CPNE8: variants seen among roughly 807,000 people sequenced by gnomAD.
CPNE8 encodes copine 8.
A neutral mutation model predicts 81.5 loss-of-function variants in CPNE8; 45 were observed. The ratio of observed to expected loss-of-function variants is 0.55; its 90% CI spans 0.44 to 0.71. The LOEUF is 0.71. Among genes scored for constraint, CPNE8 ranks in the 30% least tolerant of loss-of-function variants. The pLI is 0.00. For synonymous variants in CPNE8, 252 were observed against 226.3 expected, an observed-to-expected ratio of 1.11 and a Z score of -1.02; for missense variants, 594 against 672.1, an observed-to-expected ratio of 0.88 and a Z score of 1.28.
intron 8 of CPNE8, among the ~76,000 whole-genome samples, chr12:38,766,294 A>T (rs559670252): frequency 6.6e-6 from 1 of 152,374 alleles, no homozygotes; most frequent in Middle Eastern, 3.4e-3. Flanking sequence ...AAAATAGAAA[A>T]TCCAGGGAGC....
chr12:38,839,313 T>C (rs1223245616), intron 5 of CPNE8, among the ~76,000 whole-genome samples: 1 of 151,948 alleles, frequency 6.6e-6, no homozygotes, highest in Non-Finnish European at 1.5e-5. Context: ...CTCCTGGACC[T>C]GGAAATTTCC....
chr12:38,887,445 G>A lies in CPNE8; in HGVS notation c.99-12934C>T, dbSNP rs17126745. Among the ~76,000 whole-genome samples, 213 of 152,254 alleles carry A rather than the reference G, an allele frequency of 1.4e-3. 1 individual carries two copies. Among genetic ancestry groups the A allele is most frequent in the African/African-American group, 4.8e-3 (201 of 41,562 alleles). ...ATGCCTCTAAATAAATGCACAAAGA[G>A]ATATCTGCTTGGCCTGACCTATTGC... On this transcript the variant is annotated intron_variant, in intron 1 of 19. Coordinates refer to ENST00000331366, the MANE Select transcript of CPNE8 (RefSeq NM_153634.3).
In CPNE8 at chr12:38,860,319, C is replaced by G. The variant is rs1943810577; in HGVS notation, c.187-11657G>C. On this transcript the variant is annotated intron_variant, in intron 3 of 19. Transcript: ENST00000331366. ...TGAAAAGATGCTCAACATCACTAAT[C>G]ATTGGAGAACTGTAAATTCACACTT... Among the ~76,000 whole-genome samples, 3 of 141,892 alleles carry G rather than the reference C, an allele frequency of 2.1e-5. No individual in the cohort carries two copies. The Admixed American group carries it at 2.2e-4, about 11-fold the overall frequency. 93.1% of individuals were successfully genotyped at this position (141,892 alleles called of 152,430 possible). A position where few individuals can be genotyped will look rare whatever the true frequency, so the allele number is the denominator to read the frequency against.
At chr12:38,889,711 G>A (rs1018227743) in intron 1 of CPNE8, among the ~76,000 whole-genome samples, 4 of 152,174 alleles carry the variant, frequency 2.6e-5, no homozygotes, top group African/African-American at 9.7e-5. Flanking sequence ...GAGATTGTGA[G>A]GTTGGAAGAG....
At chr12:38,814,275 A>T (rs1942985745) in intron 6 of CPNE8, among the ~76,000 whole-genome samples, 1 of 151,866 alleles carries the variant, frequency 6.6e-6, no homozygotes, top group Non-Finnish European at 1.5e-5. Context: ...GTGAGATTAA[A>T]AAAACTGAAG....
At chr12:38,791,188 C>T (rs994820564) in intron 6 of CPNE8, among the ~76,000 whole-genome samples, 1 of 151,538 alleles carries the variant, frequency 6.6e-6, no homozygotes, top group African/African-American at 2.4e-5. Context: ...TTTCCCAACC[C>T]CTTCTTAAGG....
At chr12:38,788,737 C>T (rs1942256769) in intron 6 of CPNE8, among the ~76,000 whole-genome samples, 1 of 151,640 alleles carries the variant, frequency 6.6e-6, no homozygotes, top group African/African-American at 2.4e-5. Flanking sequence ...CACAAAAAAA[C>T]TATTAGAATT....
At chr12:38,735,154 G>A (rs892389164) in intron 10 of CPNE8, among the ~76,000 whole-genome samples, 15 of 151,978 alleles carry the variant, frequency 9.9e-5, no homozygotes, top group South Asian at 2.1e-4. Context: ...GTACTTCAGC[G>A]CAGTGATTTC....
At chr12:38,682,881 A>G (rs937876550) in intron 16 of CPNE8, among the ~76,000 whole-genome samples, 1 of 152,200 alleles carries the variant, frequency 6.6e-6, no homozygotes, top group African/African-American at 2.4e-5. Context: ...TTGAATGCCA[A>G]GCTAAACCGT....
intron 10 of CPNE8, among the ~76,000 whole-genome samples, chr12:38,754,346 G>A (rs1395675037): frequency 2.6e-5 from 4 of 151,914 alleles, no homozygotes; most frequent in Non-Finnish European, 4.4e-5. Context: ...AAATGTTACT[G>A]AAAATGAGAA....
At chr12:38,742,694 A>ATAAT (rs1370697313) in intron 10 of CPNE8, among the ~76,000 whole-genome samples, 28 of 131,932 alleles carry the variant, frequency 2.1e-4, no homozygotes, top group Admixed American at 5.9e-4. Flanking sequence ...AAATAAATAA[A>ATAAT]TAAATAAATA....
chr12:38,660,615 T>C (rs1007986318), intron 19 of CPNE8, among the ~76,000 whole-genome samples: 1 of 151,898 alleles, frequency 6.6e-6, no homozygotes, highest in African/African-American at 2.4e-5. Flanking sequence ...AATTGACAAA[T>C]GGGATCTAAT....
rs1592008764 is a variant in CPNE8, at chr12:38,685,476, T to C, written c.1271+14A>G. 1 of 1,611,320 alleles carries C rather than the reference T, an allele frequency of 6.2e-7. No homozygotes were observed. The highest frequency in any genetic ancestry group is 8.5e-7 in the Non-Finnish European group (1 of 1,178,522). ...AGTACATCAGAATAAGCACCTTGTCTACTCTCTACTTACCTTGCTACATGA... is the reference window on the plus strand; with the variant it reads ...AGTACATCAGAATAAGCACCTTGTCCACTCTCTACTTACCTTGCTACATGA... On this transcript the variant is annotated intron_variant, in intron 16 of 19. Coordinates refer to ENST00000331366, the MANE Select transcript of CPNE8 (RefSeq NM_153634.3).
intron 15 of CPNE8, among the ~76,000 whole-genome samples, chr12:38,692,839 G>T (rs1301490356): frequency 6.6e-6 from 1 of 152,154 alleles, no homozygotes; most frequent in Non-Finnish European, 1.5e-5. Context: ...AACCTGGGAT[G>T]GTCTTAGTAA....
At chr12:38,773,235 T>A (rs902905732) in intron 7 of CPNE8, among the ~76,000 whole-genome samples, 1 of 152,144 alleles carries the variant, frequency 6.6e-6, no homozygotes, top group African/African-American at 2.4e-5. Flanking sequence ...AGAGATCTAC[T>A]ATATACAGTA....
chr12:38,805,775 A>T (rs1377782450), intron 6 of CPNE8, among the ~76,000 whole-genome samples: 1 of 149,526 alleles, frequency 6.7e-6, no homozygotes, highest in Admixed American at 6.7e-5. Context: ...TGAAGGAAAT[A>T]GAGACACAAA....
At chr12:38,657,346 G>A (rs1166217499) in intron 19 of CPNE8, among the ~76,000 whole-genome samples, 1 of 152,168 alleles carries the variant, frequency 6.6e-6, no homozygotes, top group African/African-American at 2.4e-5. Flanking sequence ...CCATTGCTGA[G>A]GCTTGAGTAG....
intron 10 of CPNE8, among the ~76,000 whole-genome samples, chr12:38,746,538 C>T (rs1941230615): frequency 6.6e-6 from 1 of 152,146 alleles, no homozygotes; most frequent in African/African-American, 2.4e-5. Flanking sequence ...ATCATTTTGA[C>T]ACAAGTGAAA....
chr12:38,811,694 G>GAAAC (rs1174443640), intron 6 of CPNE8, among the ~76,000 whole-genome samples: 1 of 152,030 alleles, frequency 6.6e-6, no homozygotes, highest in African/African-American at 2.4e-5. Flanking sequence ...GTCTCTACAA[G>GAAAC]AAACAAACAA....
Sources: gnomAD v4.1 joint callset for allele counts (sites outside exome capture counted in the v4.1 genomes callset) on GRCh38, gnomAD v4.1.1 for gene constraint, MANE v1.5 for transcripts, NCBI Gene and HGNC (gene_info 2026-07-23, HGNC 2026-07-21) for gene names.